The following SLC38A8 variants were observed in gnomAD, a reference collection of about 807,000 sequenced individuals.
The protein encoded by SLC38A8 is amino acid transporter SLC38A8.
Under a neutral mutation model 46.0 loss-of-function variants are expected in SLC38A8, and 65 were observed. The ratio of observed to expected loss-of-function variants is 1.41; its 90% CI spans 1.16 to 1.74. The LOEUF (loss-of-function observed/expected upper bound fraction) is 1.74. Ranked by LOEUF, SLC38A8 falls within the 40% of genes most tolerant of loss-of-function variation. The pLI, the probability that SLC38A8 is intolerant of heterozygous loss-of-function variation, is 0.00. For missense variants in SLC38A8, 998 were observed against 567.9 expected (o/e 1.76, Z -7.70); for synonymous variants, 447 against 243.7 (o/e 1.83, Z -7.77).
rs1367892569 is a variant in SLC38A8, at chr16:84,039,571, C to A, written c.189+2398G>T. Among the ~76,000 whole-genome samples the A allele has an allele frequency of 5.9e-5, 9 of 152,002 alleles. No homozygotes were observed. The East Asian group carries it at 1.7e-3, about 29-fold the overall frequency. On this transcript the variant is annotated intron_variant, in intron 2 of 10. Transcript: ENST00000299709. ...ACCATCCTGGCCAACACAGTGAAAC[C>A]CCATCTCTACTAAAATCACAAAAAA...
chr16:84,018,784 A>T (rs941784974), intron 7 of SLC38A8, among the ~76,000 whole-genome samples: 1 of 152,234 alleles, frequency 6.6e-6, no homozygotes, highest in Non-Finnish European at 1.5e-5. Context: ...CTTTTTAGAC[A>T]AAGAATAAAT....
intron 2 of SLC38A8, among the ~76,000 whole-genome samples, chr16:84,041,585 T>C (rs1298432049): frequency 6.6e-6 from 1 of 152,184 alleles, no homozygotes. Context: ...AGGGCTGCGA[T>C]TATAGGCACG....
rs376247461 is a variant in SLC38A8 at position 84,037,806 on chromosome 16, ATTTTT to A, written c.190-911_190-907del. ...AAAACATCCCTCTATTTCAGCTTCA[ATTTTT>A]TTTTTTTTTTTTTTGGAGACGGAGT... On this transcript the variant is annotated intron_variant, in intron 2 of 10. Coordinates refer to ENST00000299709, the MANE Select transcript of SLC38A8 (RefSeq NM_001080442.3). Among the ~76,000 whole-genome samples the A allele has an allele frequency of 4.9e-5, 5 of 102,248 alleles. No homozygotes were observed. In the East Asian group the frequency reaches 1.4e-3, roughly 29 times the overall value. The allele number at this position is 102,248 out of a possible 152,430, so 67.1% of individuals were successfully genotyped here.
At chr16:84,020,619 C>T (rs1283403483) in intron 7 of SLC38A8, among the ~76,000 whole-genome samples, 1 of 152,186 alleles carries the variant, frequency 6.6e-6, no homozygotes, top group Non-Finnish European at 1.5e-5. Flanking sequence ...GCTGGTGCAG[C>T]GAGGATCTCT....
At chr16:84,035,314 G>T (rs1297692890) in intron 3 of SLC38A8, among the ~76,000 whole-genome samples, 3 of 152,128 alleles carry the variant, frequency 2.0e-5, no homozygotes, top group Non-Finnish European at 4.4e-5. Flanking sequence ...TTGGTATAAG[G>T]TCGTGTTTAC....
At chr16:84,036,977 C>T (rs1480330643) in intron 2 of SLC38A8, 77 bp from the exon 3 acceptor site, 46 of 1,402,350 alleles carry the variant, frequency 3.3e-5, no homozygotes, top group Non-Finnish European at 6.8e-6. Context: ...CCCTCGGGCA[C>T]ACTCTCCACA....
intron 5 of SLC38A8, among the ~76,000 whole-genome samples, chr16:84,030,602 G>C (rs1357004321): frequency 3.9e-5 from 6 of 152,054 alleles, no homozygotes; most frequent in African/African-American, 1.4e-4. Flanking sequence ...GCCCTGCTCA[G>C]TCCTCTCTAA....
chr16:84,012,448 G>A (rs566958573), intron 10 of SLC38A8, among the ~76,000 whole-genome samples: 2 of 152,224 alleles, frequency 1.3e-5, no homozygotes, highest in East Asian at 1.9e-4. Flanking sequence ...GGGTTAGCAT[G>A]GGGCCTGGGA....
In SLC38A8 at chr16:84,031,843, C is replaced by T. The variant is rs180990479; in HGVS notation, c.632+24G>A. ...TGCCGTGCCTCCCCGCCGAGGCTGC[C>T]GGAAGCTGTTCCCTCAGACTTACCT... On this transcript the variant is annotated intron_variant, in intron 5 of 10. Transcript: ENST00000299709. The T allele has an allele frequency of 2.9e-3, 4,638 of 1,607,888 alleles. 12 individuals are homozygous for T. The highest frequency in any genetic ancestry group is 2.9e-3 in the South Asian group (266 of 90,936).
At chr16:84,037,824 T>TTTC (rs1158622332) in intron 2 of SLC38A8, among the ~76,000 whole-genome samples, 1 of 148,676 alleles carries the variant, frequency 6.7e-6, no homozygotes, top group Non-Finnish European at 1.5e-5. Context: ...TTTTTTTTTT[T>TTTC]TGGAGACGGA....
chr16:84,037,625 G>C (rs764773742), intron 2 of SLC38A8, among the ~76,000 whole-genome samples: 3 of 151,956 alleles, frequency 2.0e-5, no homozygotes, highest in Non-Finnish European at 4.4e-5. Context: ...GCCAAGCATG[G>C]TGGCAGATGC....
rs776600780 is a variant in SLC38A8 at position 84,036,732 on chromosome 16, G to T, written c.358C>A (p.Leu120Ile). ...LNLLMISVAF[L>I]RVIGDQLEKL... The stretch of plus-strand genomic sequence containing the variant: ...TCCAGCTGGTCCCCGATCACCCTGA[G>T]GAAGGCCACGGAGATCATGAGCAGG... The change falls in exon 3 of 11, where the codon CTC becomes ATC. Residue 120 changes from leucine to isoleucine, a missense_variant. Transcript: ENST00000299709. 2.7e-5 allele frequency: 43 copies of T among 1,614,092 alleles called. No individual in the cohort carries two copies. Among genetic ancestry groups the T allele is most frequent in the Non-Finnish European group, 5.9e-6 (7 of 1,180,052 alleles).
At chr16:84,030,605 C>T (rs74514679) in intron 5 of SLC38A8, among the ~76,000 whole-genome samples, 9,159 of 152,160 alleles carry the variant, frequency 0.06, 412 homozygotes, top group East Asian at 0.17. Context: ...CTGCTCAGTC[C>T]TCTCTAATCC....
intron 5 of SLC38A8, among the ~76,000 whole-genome samples, chr16:84,031,037 T>G (rs2085231942): frequency 6.6e-6 from 1 of 152,100 alleles, no homozygotes; most frequent in Admixed American, 6.6e-5. Flanking sequence ...GGTGAGCCTT[T>G]TTATTAATTT....
At chr16:84,023,640 C>T (rs4782875) in intron 6 of SLC38A8, among the ~76,000 whole-genome samples, 34,746 of 152,156 alleles carry the variant, frequency 0.23, 4,671 homozygotes, top group African/African-American at 0.34. Context: ...GCACCTGTCA[C>T]CCCAGCACTT....
chr16:84,034,653 A>G (rs1230168534), intron 3 of SLC38A8, among the ~76,000 whole-genome samples: 4 of 152,176 alleles, frequency 2.6e-5, no homozygotes, highest in African/African-American at 9.7e-5. Context: ...AATGCATGTG[A>G]GAATAGCTCA....
chr16:84,031,823 T>G, intron 5 of SLC38A8, 44 bp downstream of exon 5: 1 of 1,545,894 alleles, frequency 6.5e-7, no homozygotes, highest in African/African-American at 1.4e-5. Flanking sequence ...TCCCCTGCCG[T>G]GCCTCCCCGC....
At chr16:84,015,173 G>T (rs989231750) in intron 9 of SLC38A8, among the ~76,000 whole-genome samples, 1 of 152,154 alleles carries the variant, frequency 6.6e-6, no homozygotes, top group Admixed American at 6.5e-5. Context: ...AGTCTCGACT[G>T]TGTACTCAAC....
chr16:84,033,909 A>G (rs1171757860), intron 3 of SLC38A8, among the ~76,000 whole-genome samples: 1 of 151,848 alleles, frequency 6.6e-6, no homozygotes. Flanking sequence ...TGGTTGCAGC[A>G]GAACACATGA....
Sources: gnomAD v4.1 joint callset for allele counts (sites outside exome capture counted in the v4.1 genomes callset) on GRCh38, gnomAD v4.1.1 for gene constraint, MANE v1.5 for transcripts, NCBI Gene and HGNC (gene_info 2026-07-23, HGNC 2026-07-21) for gene names.